The following GABRB3 variants were observed in gnomAD, a reference collection of about 807,000 sequenced individuals.
GABRB3 encodes the protein gamma-aminobutyric acid type A receptor subunit beta3, also known as gamma-aminobutyric acid receptor subunit beta-3.
In GABRB3, 14 loss-of-function variants were observed where a neutral mutation model predicts 52.1. The ratio of observed to expected loss-of-function variants is 0.27; its 90% CI spans 0.18 to 0.42. The LOEUF is 0.42. Among genes scored for constraint, GABRB3 ranks in the 10% least tolerant of loss-of-function variants. The pLI is 1.00. For missense variants in GABRB3, 307 were observed against 609.1 expected (o/e 0.50, Z 5.22); for synonymous variants, 260 against 232.3 (o/e 1.12, Z -1.08).
chr15:26,745,087 GCCAC>G, intron 3 of GABRB3, among the ~76,000 whole-genome samples: 1 of 152,132 alleles, frequency 6.6e-6, no homozygotes, highest in East Asian at 1.9e-4. Flanking sequence ...AGGGGGAGGT[GCCAC>G]ACGCTTCATG....
chr15:26,583,471 A>G (rs1333820812), intron 4 of GABRB3, 57 bp from the exon 5 acceptor site: 1 of 1,420,220 alleles, frequency 7.0e-7, no homozygotes. Context: ...TGTATCAGGG[A>G]GACTCCTCTT....
chr15:26,744,094 C>T (rs1175731350), intron 3 of GABRB3, among the ~76,000 whole-genome samples: 7 of 152,132 alleles, frequency 4.6e-5, no homozygotes, highest in Non-Finnish European at 2.9e-5. Flanking sequence ...CCAAGCTTCA[C>T]ACAAACTAAA....
chr15:26,719,219 C>T (rs975903284), intron 3 of GABRB3, among the ~76,000 whole-genome samples: 1 of 152,230 alleles, frequency 6.6e-6, no homozygotes, highest in Non-Finnish European at 1.5e-5. Flanking sequence ...GGCAGGTGCC[C>T]ATGAGTGTTT....
At chr15:26,593,673 A>G (rs1891287698) in intron 4 of GABRB3, among the ~76,000 whole-genome samples, 1 of 152,112 alleles carries the variant, frequency 6.6e-6, no homozygotes, top group Non-Finnish European at 1.5e-5. Flanking sequence ...AACTGAAAAA[A>G]TTCCATTATA....
chr15:26,624,919 G>C (rs1275615505), intron 3 of GABRB3: 1 of 985,426 alleles, frequency 1.0e-6, no homozygotes, highest in Admixed American at 6.1e-5. Flanking sequence ...AGGAACAGCG[G>C]GCAGCCGCTT....
chr15:26,573,511 C>G (rs1005378886), intron 6 of GABRB3, among the ~76,000 whole-genome samples: 1 of 152,148 alleles, frequency 6.6e-6, no homozygotes, highest in African/African-American at 2.4e-5. Context: ...CAGCAAAGAA[C>G]AGGGATGTTT....
At chr15:26,656,931 A>T (rs373546117) in intron 3 of GABRB3, 4 of 152,284 alleles carry the variant, frequency 2.6e-5, no homozygotes, top group African/African-American at 7.2e-5. Flanking sequence ...AGACTGAAAC[A>T]GCAATAATGA....
At chr15:26,714,654 G>A (rs556923176) in intron 3 of GABRB3, among the ~76,000 whole-genome samples, 2 of 152,344 alleles carry the variant, frequency 1.3e-5, no homozygotes, top group South Asian at 4.1e-4. Flanking sequence ...TCAGTGAGAA[G>A]AGGGGCGACT....
intron 4 of GABRB3, among the ~76,000 whole-genome samples, chr15:26,588,975 G>A (rs1467732440): frequency 6.6e-6 from 1 of 152,188 alleles, no homozygotes; most frequent in African/African-American, 2.4e-5. Context: ...TCTCTAGTAA[G>A]TGTAAAATCA....
chr15:26,605,592 T>C (rs1891758550), intron 4 of GABRB3, among the ~76,000 whole-genome samples: 5 of 152,154 alleles, frequency 3.3e-5, no homozygotes, highest in Admixed American at 3.3e-4. Flanking sequence ...GTCCAAGTCA[T>C]AAAAATGAAT....
intron 3 of GABRB3, among the ~76,000 whole-genome samples, chr15:26,712,674 T>C (rs1157148339): frequency 1.3e-5 from 2 of 152,060 alleles, no homozygotes; most frequent in African/African-American, 2.4e-5. Flanking sequence ...TTGTATTACA[T>C]GTCAGTGTTG....
chr15:26,609,663 T>C (rs1009142717), intron 4 of GABRB3, among the ~76,000 whole-genome samples: 4 of 152,160 alleles, frequency 2.6e-5, no homozygotes, highest in African/African-American at 9.6e-5. Context: ...ATATTATTTT[T>C]AAAAAATCTG....
chr15:26,679,145 GGT>G (rs1329194881), intron 3 of GABRB3, among the ~76,000 whole-genome samples: 1 of 152,096 alleles, frequency 6.6e-6, no homozygotes, highest in African/African-American at 2.4e-5. Flanking sequence ...TGGGACATGA[GGT>G]GTGGGTTGTT....
chr15:26,573,663 A>T (rs1890490497), intron 6 of GABRB3, among the ~76,000 whole-genome samples: 1 of 152,238 alleles, frequency 6.6e-6, no homozygotes, highest in Admixed American at 6.5e-5. Flanking sequence ...AATTAAAAAC[A>T]GTTATGCTCC....
intron 5 of GABRB3, chr15:26,580,690 T>C: frequency 3.3e-6 from 2 of 601,708 alleles, no homozygotes; most frequent in South Asian, 1.8e-5. Flanking sequence ...CTGGGGAGAA[T>C]GGGTGCTCTG....
intron 8 of GABRB3, among the ~76,000 whole-genome samples, chr15:26,559,940 T>C (rs1406655468): frequency 2.6e-5 from 4 of 152,218 alleles, no homozygotes; most frequent in Non-Finnish European, 5.9e-5. Context: ...GCTTTTTCTC[T>C]AGAAGACTGT....
intron 5 of GABRB3, among the ~76,000 whole-genome samples, chr15:26,582,039 A>G (rs3891986): frequency 2.7e-3 from 407 of 152,304 alleles, no homozygotes; most frequent in East Asian, 5.0e-3. Flanking sequence ...TCTTTTATCT[A>G]TTCCCAATAT....
intron 4 of GABRB3, chr15:26,613,889 A>G (rs962672520): frequency 1.3e-5 from 2 of 152,188 alleles, no homozygotes; most frequent in African/African-American, 2.4e-5. Context: ...TTACCTAATT[A>G]CCTTCTAATG....
At position 26,621,412 on chromosome 15, in the gene GABRB3, T is replaced by C. The variant is rs543691855; in HGVS notation, c.363A>G (p.Thr121=). The change falls in exon 4 of 9, where the codon ACA becomes ACG. Residue 121 remains threonine (T), a synonymous_variant. Transcript: ENST00000311550. This position sits in a 1 kb window ranked among gnomAD's most constrained non-coding sequence, Gnocchi z 4.1. The part of the protein sequence containing the change: ...RVADQLWVPD[T]YFLNDKKSFV... ...ATGACTTTTTGTCATTTAAGAAATA[T>C]GTGTCGGGCACCCATAGCTGGTCAG... is the stretch of plus-strand genomic sequence containing the variant. 4 of 1,614,194 alleles carry C rather than the reference T, an allele frequency of 2.5e-6. No individual in the cohort carries two copies. The highest frequency in any genetic ancestry group is 1.1e-5 in the South Asian group (1 of 91,082).
Sources: allele counts gnomAD v4.1 joint callset (sites outside exome capture counted in the v4.1 genomes callset), GRCh38; gene constraint gnomAD v4.1.1; non-coding constraint Gnocchi (gnomAD v3.1); transcripts MANE v1.5; gene names NCBI Gene and HGNC (gene_info 2026-07-23, HGNC 2026-07-21).